CFI: variants seen among roughly 807,000 people sequenced by gnomAD.
The protein encoded by CFI is C3B/C4B inactivator.
Under a neutral mutation model 78.8 loss-of-function variants are expected in CFI, and 66 were observed. The observed-to-expected ratio is 0.84, with a 90% confidence interval of 0.69 to 1.03. CFI has a LOEUF of 1.03. Ranked by LOEUF, CFI falls within the 50% of genes least tolerant of loss-of-function variation. The probability of loss-of-function intolerance (pLI) is 0.00; values close to 1 mark genes in which losing one functional copy is unlikely to be tolerated. For missense variants in CFI, 706 were observed against 704.5 expected (o/e 1.00, Z -0.02); for synonymous variants, 250 against 232.6 (o/e 1.07, Z -0.68).
chr4:109,752,091 AATTCAATTAACAT>A (rs1725215898), intron 8 of CFI, among the ~76,000 whole-genome samples: 3 of 152,354 alleles, frequency 2.0e-5, no homozygotes, highest in Admixed American at 2.0e-4. Context: ...AAGAATGGTT[AATTCAATTAACAT>A]CTATTATTTT....
chr4:109,776,786 C>G (rs975858034), intron 1 of CFI, among the ~76,000 whole-genome samples: 6 of 152,236 alleles, frequency 3.9e-5, no homozygotes, highest in Non-Finnish European at 5.9e-5. Flanking sequence ...CGCAGAAACT[C>G]TACAAGCCAG....
intron 1 of CFI, among the ~76,000 whole-genome samples, chr4:109,794,769 G>C (rs1731846830): frequency 1.3e-5 from 2 of 151,928 alleles, no homozygotes; most frequent in South Asian, 4.2e-4. Context: ...CTCCAGCTTG[G>C]GTGACAGAGC....
intron 2 of CFI, among the ~76,000 whole-genome samples, chr4:109,765,797 G>A (rs553025682): frequency 1.3e-4 from 20 of 151,774 alleles, no homozygotes; most frequent in Non-Finnish European, 2.5e-4. Flanking sequence ...CTGGGGGAGA[G>A]GGTTGGGGGG....
At chr4:109,766,477 T>C (rs1457052782) in intron 2 of CFI, 77 bp downstream of exon 2, 5 of 1,535,536 alleles carry the variant, frequency 3.3e-6, no homozygotes, top group Non-Finnish European at 4.5e-6. Context: ...CACAAGAGAA[T>C]TATTTTCTGA....
rs371155296 is a variant in CFI, at chr4:109,748,773, T to C, written c.1148+445A>G. On this transcript the variant is annotated intron_variant, in intron 10 of 12. Coordinates refer to ENST00000394634, the MANE Select transcript of CFI (RefSeq NM_000204.5). ...AGATTACATGGGGCCTCATGGGCCA[T>C]GTTAAAATTTTTGTTTCAATTCTTA... is the stretch of plus-strand genomic sequence containing the variant. 5.9e-5 allele frequency among the ~76,000 whole-genome samples: 9 copies of C among 152,278 alleles called. No individual in the cohort carries two copies. The East Asian group carries it at 1.4e-3, about 23-fold the overall frequency.
At chr4:109,769,657 C>G (rs931818440) in intron 1 of CFI, among the ~76,000 whole-genome samples, 5 of 152,188 alleles carry the variant, frequency 3.3e-5, no homozygotes, top group African/African-American at 4.8e-5. Flanking sequence ...GGCAGTACCT[C>G]TCCTCCAGCT....
chr4:109,761,068 C>G (rs1482654243), intron 4 of CFI, among the ~76,000 whole-genome samples: 1 of 152,126 alleles, frequency 6.6e-6, no homozygotes, highest in Non-Finnish European at 1.5e-5. Context: ...GTCTTTAAAA[C>G]TACATGTATG....
chr4:109,754,133 G>A (rs1402318479), intron 7 of CFI, among the ~76,000 whole-genome samples: 17 of 151,410 alleles, frequency 1.1e-4, no homozygotes, highest in African/African-American at 2.7e-4. Context: ...ACAGGTGTGC[G>A]TCACCATGCC....
At chr4:109,737,763 G>A (rs1723453086), downstream of CFI, among the ~76,000 whole-genome samples, 1 of 152,096 alleles carries the variant, frequency 6.6e-6, no homozygotes, top group Admixed American at 6.5e-5. Flanking sequence ...GGCTCTTTTG[G>A]AAATTCTGTG....
downstream of CFI, among the ~76,000 whole-genome samples, chr4:109,736,107 G>A (rs1187160369): frequency 1.3e-5 from 2 of 152,168 alleles, no homozygotes; most frequent in Non-Finnish European, 2.9e-5. Flanking sequence ...AAAACAGAAT[G>A]CTTGAAGTTG....
chr4:109,746,436 T>C lies in CFI; in HGVS notation c.1215A>G (p.Lys405=), dbSNP rs1579165756. The change falls in exon 11 of 13, where the codon AAA becomes AAG. Residue 405 remains lysine, a synonymous_variant. Transcript: ENST00000394634. ...TVVDWIHPDL[K]RIVIEYVDRI... ...TATCCACGTATTCAATTACTATACG[T>C]TTAAGGTCGGGGTGTATCCAGTCTA... 2 of 1,613,908 alleles carry C rather than the reference T, an allele frequency of 1.2e-6. No homozygotes were observed. The highest frequency in any genetic ancestry group is 2.2e-5 in the East Asian group (1 of 44,878).
At chr4:109,795,480 A>G (rs1166320001) in intron 1 of CFI, among the ~76,000 whole-genome samples, 1 of 152,232 alleles carries the variant, frequency 6.6e-6, no homozygotes, top group Non-Finnish European at 1.5e-5. Flanking sequence ...GACACTATCC[A>G]AGGAGCACAT....
At chr4:109,781,143 T>C (rs1205555870) in intron 1 of CFI, among the ~76,000 whole-genome samples, 1 of 151,174 alleles carries the variant, frequency 6.6e-6, no homozygotes, top group Non-Finnish European at 1.5e-5. Context: ...ACTTAAAGTA[T>C]AAAAAAAAAT....
intron 7 of CFI, among the ~76,000 whole-genome samples, chr4:109,756,969 GAAA>G (rs1726372353): frequency 7.5e-6 from 1 of 134,050 alleles, no homozygotes; most frequent in African/African-American, 2.7e-5. Flanking sequence ...AAGAAAGAAA[GAAA>G]GAAAGAAATT....
intron 1 of CFI, among the ~76,000 whole-genome samples, chr4:109,777,142 TG>T (rs1729355707): frequency 6.6e-6 from 1 of 152,128 alleles, no homozygotes; most frequent in African/African-American, 2.4e-5. Flanking sequence ...TAAAGGTAAA[TG>T]GGCTAAATGC....
At chr4:109,740,078 G>A (rs1451453291), downstream of CFI, among the ~76,000 whole-genome samples, 1 of 152,166 alleles carries the variant, frequency 6.6e-6, no homozygotes, top group Non-Finnish European at 1.5e-5. Context: ...AGGATCCCTT[G>A]AGCCTAGGAG....
rs34128338 is a variant in CFI at position 109,783,812 on chromosome 4, G to GATATATATATATATATATATATATAT, written c.58-16989_58-16988insATATATATATATATATATATATATAT. Among the ~76,000 whole-genome samples, 69 of 112,978 alleles carry GATATATATATATATATATATATATAT rather than the reference G, an allele frequency of 6.1e-4. 2 individuals carry two copies. Among genetic ancestry groups the GATATATATATATATATATATATATAT allele is most frequent in the African/African-American group, 7.9e-4 (24 of 30,250 alleles). The allele number at this position is 112,978 out of a possible 152,430, so 74.1% of individuals were successfully genotyped here. A position where few individuals can be genotyped will look rare whatever the true frequency, so the allele number is the denominator to read the frequency against. Reference sequence around the variant, plus strand: ...TTCAATGAGTGGATAAAGAAACTGTGATATATATATATATATATATATGAT... The same window carrying GATATATATATATATATATATATATAT: ...TTCAATGAGTGGATAAAGAAACTGTGATATATATATATATATATATATATATATATATATATATATATATATATGAT... On this transcript the variant is annotated intron_variant, in intron 1 of 12. Coordinates refer to ENST00000394634, the MANE Select transcript of CFI (RefSeq NM_000204.5).
chr4:109,794,810 T>C (rs759141936), intron 1 of CFI, among the ~76,000 whole-genome samples: 1 of 152,108 alleles, frequency 6.6e-6, no homozygotes, highest in Non-Finnish European at 1.5e-5. Context: ...ATTCTATTTA[T>C]TTATTAATAT....
intron 7 of CFI, among the ~76,000 whole-genome samples, chr4:109,753,672 T>TTATATTA (rs1725687573): frequency 9.3e-6 from 1 of 107,810 alleles, no homozygotes; most frequent in Non-Finnish European, 1.6e-5. Flanking sequence ...ATGTATAATT[T>TTATATTA]TATATTATAT....
Sources: gnomAD v4.1 joint callset for allele counts (sites outside exome capture counted in the v4.1 genomes callset) on GRCh38, gnomAD v4.1.1 for gene constraint, MANE v1.5 for transcripts, NCBI Gene and HGNC (gene_info 2026-07-23, HGNC 2026-07-21) for gene names.